SMURF1: variants seen among roughly 807,000 people sequenced by gnomAD.
The protein encoded by SMURF1 is E3 ubiquitin-protein ligase SMURF1.
Under a neutral mutation model 98.0 loss-of-function variants are expected in SMURF1, and 44 were observed. That is an observed-to-expected ratio of 0.45 (90% CI 0.35 to 0.58). The LOEUF is 0.58. SMURF1 is among the 20% of genes least tolerant of loss of function. SMURF1 has a pLI of 0.00. For synonymous variants in SMURF1, 396 were observed against 374.9 expected, an observed-to-expected ratio of 1.06 and a Z score of -0.65; for missense variants, 687 against 938.4, an observed-to-expected ratio of 0.73 and a Z score of 3.50.
intron 1 of SMURF1, among the ~76,000 whole-genome samples, chr7:99,136,693 G>A (rs1267099012): frequency 4.6e-5 from 7 of 152,188 alleles, no homozygotes; most frequent in African/African-American, 1.2e-4. Flanking sequence ...GCTCATGCCT[G>A]TAATCCACGT....
chr7:99,104,930 C>G (rs988341021), intron 1 of SMURF1, among the ~76,000 whole-genome samples: 5 of 152,222 alleles, frequency 3.3e-5, no homozygotes, highest in Non-Finnish European at 4.4e-5. Flanking sequence ...AAGTTTGGTG[C>G]CCAGCCACTG....
chr7:99,104,400 G>A (rs1225641945), intron 1 of SMURF1, among the ~76,000 whole-genome samples: 2 of 152,046 alleles, frequency 1.3e-5, no homozygotes, highest in East Asian at 3.9e-4. Context: ...TCAGGGAAAG[G>A]ACAGTGAAAT....
chr7:99,119,417 T>G (rs1211608199), intron 1 of SMURF1, among the ~76,000 whole-genome samples: 1 of 152,176 alleles, frequency 6.6e-6, no homozygotes, highest in Non-Finnish European at 1.5e-5. Flanking sequence ...GGGGCCATTA[T>G]ATAATGAAAA....
At chr7:99,087,180 G>C (rs1031169766) in intron 1 of SMURF1, among the ~76,000 whole-genome samples, 2 of 151,716 alleles carry the variant, frequency 1.3e-5, no homozygotes, top group South Asian at 4.2e-4. Context: ...GACCAGCCTG[G>C]GCAACATAGC....
intron 10 of SMURF1, 76 bp downstream of exon 10, chr7:99,047,608 G>A: frequency 4.1e-6 from 6 of 1,467,666 alleles, no homozygotes; most frequent in South Asian, 3.5e-5. Context: ...GAAAACAATC[G>A]CATTTGAGAT....
intron 1 of SMURF1, among the ~76,000 whole-genome samples, chr7:99,087,918 C>A (rs944130007): frequency 2.0e-5 from 3 of 151,928 alleles, no homozygotes; most frequent in Non-Finnish European, 4.4e-5. Context: ...TACACATAAA[C>A]CTCTGAGCTC....
chr7:99,124,389 C>G (rs1797703023), intron 1 of SMURF1, among the ~76,000 whole-genome samples: 1 of 152,210 alleles, frequency 6.6e-6, no homozygotes, highest in Non-Finnish European at 1.5e-5. Flanking sequence ...AGTCCCAATA[C>G]TGAAGCTTTA....
At chr7:99,046,206 CT>C (rs1795568752) in intron 10 of SMURF1, among the ~76,000 whole-genome samples, 3 of 152,164 alleles carry the variant, frequency 2.0e-5, no homozygotes, top group African/African-American at 4.8e-5. Context: ...CTGAGCCTCT[CT>C]TTATATCTAA....
At chr7:99,135,610 T>C (rs1332848831) in intron 1 of SMURF1, among the ~76,000 whole-genome samples, 1 of 152,242 alleles carries the variant, frequency 6.6e-6, no homozygotes, top group South Asian at 2.1e-4. Context: ...CTACACATCA[T>C]TGGGAATACA....
At chr7:99,073,926 TCA>T (rs1475252493) in intron 1 of SMURF1, among the ~76,000 whole-genome samples, 3 of 152,232 alleles carry the variant, frequency 2.0e-5, no homozygotes, top group African/African-American at 4.8e-5. Flanking sequence ...TTGATTGTAC[TCA>T]GTTTTGGAAC....
At position 99,040,425 on chromosome 7, in the gene SMURF1, A is replaced by G; in HGVS notation, c.1503T>C (p.Asp501=). ...GCAGCTCTGGGTCCACAGATTCCAG[A>G]TCTGAGAGCTGGATGGGCTTCCCCA... ...QLLGKPIQLS[D]LESVDPELHK... The change falls in exon 13 of 18, where the codon GAT becomes GAC. Residue 501 remains aspartate, a synonymous_variant. Coordinates refer to ENST00000361368, the MANE Select transcript of SMURF1 (RefSeq NM_181349.3). 1 of 1,589,178 alleles carries G rather than the reference A, an allele frequency of 6.3e-7. No homozygotes were observed. Among genetic ancestry groups the G allele is most frequent in the East Asian group, 2.3e-5 (1 of 43,388 alleles).
intron 13 of SMURF1, among the ~76,000 whole-genome samples, 167 bp downstream of exon 13, chr7:99,040,211 G>C (rs1429884729): frequency 2.1e-5 from 3 of 145,698 alleles, no homozygotes. Context: ...TGATCTGCCC[G>C]CCTCCGCCTT....
At chr7:99,067,564 T>C (rs1451808539) in intron 1 of SMURF1, among the ~76,000 whole-genome samples, 1 of 152,150 alleles carries the variant, frequency 6.6e-6, no homozygotes, top group Non-Finnish European at 1.5e-5. Context: ...TCACGAAGCA[T>C]TTGAATACAT....
At chr7:99,080,308 T>G (rs1026021708) in intron 1 of SMURF1, among the ~76,000 whole-genome samples, 1 of 152,178 alleles carries the variant, frequency 6.6e-6, no homozygotes, top group East Asian at 1.9e-4. Flanking sequence ...TTTGTTTTGT[T>G]TTGTTTTTGA....
At chr7:99,141,980 C>T (rs1447938073) in intron 1 of SMURF1, among the ~76,000 whole-genome samples, 1 of 152,150 alleles carries the variant, frequency 6.6e-6, no homozygotes, top group Admixed American at 6.5e-5. Flanking sequence ...TGGAAAGTCC[C>T]GGAGCAGAGC....
At chr7:99,129,016 G>T (rs1459087794) in intron 1 of SMURF1, among the ~76,000 whole-genome samples, 1 of 152,176 alleles carries the variant, frequency 6.6e-6, no homozygotes, top group African/African-American at 2.4e-5. Context: ...AAATTGAAAA[G>T]AAACTTTAGA....
chr7:99,105,814 T>C (rs1797182023), intron 1 of SMURF1, among the ~76,000 whole-genome samples: 1 of 152,250 alleles, frequency 6.6e-6, no homozygotes, highest in Admixed American at 6.5e-5. Context: ...AGACTCTCTA[T>C]ATCGCCTATC....
Position 99,143,713 on chromosome 7 carries a change from C to G in SMURF1, c.55+13G>C. 6.4e-7 allele frequency: 1 copy of G among 1,552,198 alleles called. No individual in the cohort carries two copies. The highest frequency in any genetic ancestry group is 8.7e-7 in the Non-Finnish European group (1 of 1,152,410). On this transcript the variant is annotated intron_variant, in intron 1 of 17. Coordinates refer to ENST00000361368, the MANE Select transcript of SMURF1 (RefSeq NM_181349.3). ...GGGCGCCGGGGCGCGGGTGGGCCTC[C>G]CGCCGGCCGTACCTGTCAGACGGAT...
intron 1 of SMURF1, among the ~76,000 whole-genome samples, chr7:99,073,389 AAAG>A (rs1796376921): frequency 6.6e-6 from 1 of 151,804 alleles, no homozygotes; most frequent in Admixed American, 6.6e-5. Context: ...AAAAAAAAAA[AAAG>A]AAAAAATTTG....
Sources: allele counts gnomAD v4.1 joint callset (sites outside exome capture counted in the v4.1 genomes callset), GRCh38; gene constraint gnomAD v4.1.1; transcripts MANE v1.5; gene names NCBI Gene and HGNC (gene_info 2026-07-23, HGNC 2026-07-21).